The following GPC5 variants were observed in gnomAD, a reference collection of about 807,000 sequenced individuals.
GPC5 encodes glypican 5.
Under a neutral mutation model 53.9 loss-of-function variants are expected in GPC5, and 47 were observed. That is an observed-to-expected ratio of 0.87 (90% confidence interval 0.69 to 1.11). The LOEUF is 1.11. Among genes scored for constraint, GPC5 ranks in the 50% most tolerant of loss-of-function variants. GPC5 has a pLI of 0.00. For missense variants in GPC5, 748 were observed against 713.1 expected, an observed-to-expected ratio of 1.05 and a Z score of -0.56; for synonymous variants, 286 against 263.3, an observed-to-expected ratio of 1.09 and a Z score of -0.84.
At chr13:92,224,274 C>A (rs1238661382) in intron 7 of GPC5, among the ~76,000 whole-genome samples, 1 of 152,078 alleles carries the variant, frequency 6.6e-6, no homozygotes, top group East Asian at 1.9e-4. Flanking sequence ...CTTAGAACAA[C>A]GGAGAATAAT....
chr13:91,654,011 C>T (rs72643220), intron 2 of GPC5, among the ~76,000 whole-genome samples: 33,020 of 151,938 alleles, frequency 0.22, 4,476 homozygotes, highest in African/African-American at 0.37. Flanking sequence ...CTTCAGGTAA[C>T]CATTGTTCTA....
At chr13:91,705,018 G>C (rs1050144043) in intron 3 of GPC5, among the ~76,000 whole-genome samples, 3 of 152,140 alleles carry the variant, frequency 2.0e-5, no homozygotes, top group Non-Finnish European at 4.4e-5. Flanking sequence ...TCCCTTCTTG[G>C]TCTTGTGTCT....
chr13:91,680,120 C>T (rs1179876982), intron 2 of GPC5, among the ~76,000 whole-genome samples: 1 of 152,150 alleles, frequency 6.6e-6, no homozygotes, highest in Non-Finnish European at 1.5e-5. Flanking sequence ...AGAAAACTTA[C>T]ATCCATCACC....
At chr13:91,599,481 C>G (rs2033105905) in intron 2 of GPC5, among the ~76,000 whole-genome samples, 1 of 152,028 alleles carries the variant, frequency 6.6e-6, no homozygotes, top group Non-Finnish European at 1.5e-5. Flanking sequence ...TAAAAAAATT[C>G]TGTTTATATA....
chr13:92,545,163 TGTG>T (rs1245361528), intron 7 of GPC5, among the ~76,000 whole-genome samples: 4 of 151,910 alleles, frequency 2.6e-5, no homozygotes, highest in African/African-American at 7.3e-5. Flanking sequence ...AGTGAGAACA[TGTG>T]GTGGTTGGTT....
chr13:91,746,338 G>GT (rs753972227), intron 4 of GPC5, among the ~76,000 whole-genome samples: 83 of 151,794 alleles, frequency 5.5e-4, no homozygotes, highest in Non-Finnish European at 9.0e-4. Flanking sequence ...GACTTTAGGG[G>GT]TAAAAAAAAA....
At chr13:91,512,606 GGTGTATA>G (rs1317092846) in intron 2 of GPC5, among the ~76,000 whole-genome samples, 1 of 152,198 alleles carries the variant, frequency 6.6e-6, no homozygotes, top group Non-Finnish European at 1.5e-5. Flanking sequence ...CCTGGCCTTT[GGTGTATA>G]GGCCCTTAAC....
chr13:92,445,261 CT>C (rs1555335678), intron 7 of GPC5, among the ~76,000 whole-genome samples: 170 of 138,454 alleles, frequency 1.2e-3, no homozygotes, highest in Middle Eastern at 3.7e-3. Context: ...CTCTCTCTCT[CT>C]TTTTTTTTTT....
chr13:91,407,601 A>C (rs1877420125), intron 1 of GPC5, among the ~76,000 whole-genome samples: 1 of 152,164 alleles, frequency 6.6e-6, no homozygotes, highest in African/African-American at 2.4e-5. Flanking sequence ...TCTAGGAGGA[A>C]ATTAACAGTA....
intron 6 of GPC5, among the ~76,000 whole-genome samples, chr13:92,132,131 C>T (rs2041749359): frequency 6.6e-6 from 1 of 152,118 alleles, no homozygotes; most frequent in East Asian, 1.9e-4. Context: ...TGCTTGTATT[C>T]ATATAAATTT....
At chr13:91,940,370 A>T (rs998068413) in intron 6 of GPC5, among the ~76,000 whole-genome samples, 2 of 152,162 alleles carry the variant, frequency 1.3e-5, no homozygotes, top group Non-Finnish European at 2.9e-5. Context: ...TATACATACT[A>T]CATTTTCTTT....
At chr13:92,088,049 T>G (rs1250591156) in intron 6 of GPC5, among the ~76,000 whole-genome samples, 1 of 151,944 alleles carries the variant, frequency 6.6e-6, no homozygotes, top group Non-Finnish European at 1.5e-5. Context: ...GGATTACAGG[T>G]GTGAGCCACC....
chr13:91,997,344 C>A (rs2138746431), intron 6 of GPC5, among the ~76,000 whole-genome samples: 1 of 152,212 alleles, frequency 6.6e-6, no homozygotes, highest in South Asian at 2.1e-4. Context: ...ATATGTAATT[C>A]TTCTTTTGTA....
chr13:92,623,573 G>A (rs1433767885), intron 7 of GPC5, among the ~76,000 whole-genome samples: 3 of 152,114 alleles, frequency 2.0e-5, no homozygotes, highest in Non-Finnish European at 4.4e-5. Context: ...AACAATTCTT[G>A]AATCAAAGTT....
At chr13:92,398,074 T>C (rs1875368129) in intron 7 of GPC5, among the ~76,000 whole-genome samples, 3 of 152,122 alleles carry the variant, frequency 2.0e-5, no homozygotes, top group Admixed American at 6.5e-5. Context: ...ATTACCACCA[T>C]ATTTTGATAT....
At chr13:92,574,310 C>T (rs556096300) in intron 7 of GPC5, among the ~76,000 whole-genome samples, 2 of 152,268 alleles carry the variant, frequency 1.3e-5, no homozygotes, top group Admixed American at 1.3e-4. Context: ...CATCTAGAAA[C>T]TCATTTAATC....
chr13:92,857,174 A>C (rs1023384113), intron 7 of GPC5, among the ~76,000 whole-genome samples: 1 of 152,098 alleles, frequency 6.6e-6, no homozygotes, highest in Admixed American at 6.6e-5. Context: ...CACACATAGA[A>C]AGAACTGATC....
chr13:92,836,538 T>A (rs1461572068), intron 7 of GPC5, among the ~76,000 whole-genome samples: 1 of 152,118 alleles, frequency 6.6e-6, no homozygotes, highest in Admixed American at 6.6e-5. Context: ...CAAATTTAGT[T>A]ATACTGGTTA....
At chr13:92,290,745 C>G (rs891616440) in intron 7 of GPC5, among the ~76,000 whole-genome samples, 1 of 152,236 alleles carries the variant, frequency 6.6e-6, no homozygotes, top group Non-Finnish European at 1.5e-5. Flanking sequence ...ACAGCTCTCG[C>G]TCGCTCTCGG....
Sources: gnomAD v4.1 joint callset for allele counts (sites outside exome capture counted in the v4.1 genomes callset) on GRCh38, gnomAD v4.1.1 for gene constraint, MANE v1.5 for transcripts, NCBI Gene and HGNC (gene_info 2026-07-23, HGNC 2026-07-21) for gene names.